The following APTX variants were observed in gnomAD, a reference collection of about 807,000 sequenced individuals.
The protein encoded by APTX is aprataxin.
In APTX, 33 loss-of-function variants were observed where a neutral mutation model predicts 42.3. The observed-to-expected ratio is 0.78, with a 90% CI of 0.59 to 1.04. The LOEUF (loss-of-function observed/expected upper bound fraction) is 1.04. APTX is among the 50% of genes least tolerant of loss of function. APTX has a pLI of 0.00. For missense variants in APTX, 421 were observed against 415.1 expected, an observed-to-expected ratio of 1.01 and a Z score of -0.12; for synonymous variants, 130 against 146.7, an observed-to-expected ratio of 0.89 and a Z score of 0.82.
At chr9:32,982,609 T>C (rs781068420) in intron 6 of APTX, among the ~76,000 whole-genome samples, 1 of 152,338 alleles carries the variant, frequency 6.6e-6, no homozygotes, top group Non-Finnish European at 1.5e-5. Context: ...CAGAGTAATA[T>C]AAAAGGGTAT....
rs150977896 is a variant in APTX at position 33,022,600 on chromosome 9, G to A, written c.-5+2423C>T. Among the ~76,000 whole-genome samples the A allele has an allele frequency of 3.3e-3, 497 of 152,272 alleles. 13 individuals are homozygous for A. The highest frequency in any genetic ancestry group is 0.029 in the Admixed American group (442 of 15,294). On this transcript the variant is annotated intron_variant, in intron 1 of 6. Transcript: ENST00000436040. ...TCTCTGCAGCAGTTTGTAAAACACT[G>A]GAAATTGCTGAAATATTCATCAGTA...
intron 1 of APTX, among the ~76,000 whole-genome samples, chr9:33,014,002 A>G (rs1293635578): frequency 6.6e-6 from 1 of 152,218 alleles, no homozygotes; most frequent in African/African-American, 2.4e-5. Context: ...CCCAACTGCA[A>G]TATCCCAACA....
chr9:32,982,268 G>A (rs1457421978), intron 6 of APTX, among the ~76,000 whole-genome samples: 2 of 152,192 alleles, frequency 1.3e-5, no homozygotes, highest in Non-Finnish European at 2.9e-5. Flanking sequence ...GGTCATGAAA[G>A]CCAGGAAAGT....
chr9:32,981,696 A>G (rs1830710315), intron 6 of APTX, among the ~76,000 whole-genome samples: 1 of 152,240 alleles, frequency 6.6e-6, no homozygotes, highest in Admixed American at 6.5e-5. Flanking sequence ...AAAGCTGAAC[A>G]ATTTGAGCAA....
At chr9:32,992,000 G>A (rs1181977997) in intron 1 of APTX, among the ~76,000 whole-genome samples, 4 of 152,116 alleles carry the variant, frequency 2.6e-5, no homozygotes, top group Admixed American at 6.6e-5. Flanking sequence ...GAGGGGAATG[G>A]ACTAAATGCA....
chr9:33,014,550 G>A (rs1038324448), intron 1 of APTX, among the ~76,000 whole-genome samples: 2 of 133,884 alleles, frequency 1.5e-5, no homozygotes, highest in African/African-American at 2.5e-5. Flanking sequence ...TTAACAAAAG[G>A]ATGCATAGCT....
At chr9:33,018,118 A>ATT (rs557047910) in intron 1 of APTX, among the ~76,000 whole-genome samples, 6 of 144,496 alleles carry the variant, frequency 4.2e-5, no homozygotes, top group Non-Finnish European at 7.6e-5. Context: ...TTTTTATTTA[A>ATT]TTTTTTTTTT....
At chr9:33,015,383 G>A (rs770738899) in intron 1 of APTX, among the ~76,000 whole-genome samples, 7 of 151,882 alleles carry the variant, frequency 4.6e-5, no homozygotes, top group Non-Finnish European at 7.4e-5. Flanking sequence ...TTTTTGAGAC[G>A]GAGCCTCACT....
upstream of APTX, among the ~76,000 whole-genome samples, chr9:33,004,736 G>A (rs1023948000): frequency 2.7e-5 from 4 of 149,988 alleles, no homozygotes; most frequent in Non-Finnish European, 5.9e-5. Context: ...GGCTTAAGGC[G>A]ATTCTCCTGC....
chr9:32,983,439 T>C (rs1322226519), intron 6 of APTX, among the ~76,000 whole-genome samples: 3 of 152,328 alleles, frequency 2.0e-5, no homozygotes, highest in Non-Finnish European at 2.9e-5. Flanking sequence ...ATCAGAATGA[T>C]AGTGAAAAGA....
chr9:32,987,914 C>G (rs1832586000), intron 3 of APTX, 68 bp from the exon 4 acceptor site: 3 of 1,574,672 alleles, frequency 1.9e-6, no homozygotes, highest in Admixed American at 3.4e-5. Context: ...ATAGCCACTG[C>G]TATGTTAACC....
intron 1 of APTX, among the ~76,000 whole-genome samples, chr9:32,994,588 A>C (rs1477427512): frequency 6.6e-6 from 1 of 152,222 alleles, no homozygotes; most frequent in Admixed American, 6.5e-5. Context: ...GTGTCAAGCA[A>C]GTCTTTCAGT....
intron 1 of APTX, among the ~76,000 whole-genome samples, chr9:33,011,190 G>T (rs1837516451): frequency 6.6e-6 from 1 of 152,056 alleles, no homozygotes; most frequent in Non-Finnish European, 1.5e-5. Flanking sequence ...TAGTGTGGGA[G>T]GCCTCTCTTG....
intron 1 of APTX, among the ~76,000 whole-genome samples, chr9:33,010,863 C>T (rs1445839377): frequency 1.3e-5 from 2 of 151,450 alleles, no homozygotes; most frequent in Admixed American, 6.6e-5. Flanking sequence ...TGAGGATGGC[C>T]GGGCGTGGTG....
At chr9:33,011,715 T>C (rs1195703973) in intron 1 of APTX, among the ~76,000 whole-genome samples, 1 of 152,230 alleles carries the variant, frequency 6.6e-6, no homozygotes, top group African/African-American at 2.4e-5. Flanking sequence ...GTGCCTTCTC[T>C]GTGTCACGCA....
chr9:32,988,198 A>G (rs940223750), intron 2 of APTX, 69 bp from the exon 3 acceptor site: 5 of 1,430,698 alleles, frequency 3.5e-6, no homozygotes, highest in Non-Finnish European at 4.9e-6. Flanking sequence ...TATCTTCCCT[A>G]AAGAAAACAA....
intron 1 of APTX, among the ~76,000 whole-genome samples, chr9:33,006,957 G>A (rs1309449578): frequency 6.1e-5 from 8 of 130,116 alleles, no homozygotes; most frequent in South Asian, 2.3e-4. Context: ...CCTAGATTGC[G>A]CCACTACACT....
At chr9:32,975,072 A>G (rs1470039924) in intron 6 of APTX, among the ~76,000 whole-genome samples, 1 of 152,106 alleles carries the variant, frequency 6.6e-6, no homozygotes, top group Non-Finnish European at 1.5e-5. Flanking sequence ...AGTGTCTCAG[A>G]AAGTGAGGAG....
Position 32,972,892 on chromosome 9 carries a change from C to T in APTX, c.*606G>A, listed in dbSNP as rs111430445. 1,051 of 454,146 alleles carry T rather than the reference C, an allele frequency of 2.3e-3. 9 individuals carry two copies. Among genetic ancestry groups the T allele is most frequent in the African/African-American group, 0.019 (965 of 50,126 alleles). The allele number at this position is 454,146 out of a possible 1,614,324, so 28.1% of individuals were successfully genotyped here. ...TAGAAGAAAACTCCAACCCCCCACACCATCATCTAGCCTCTTTTCTCACTG... is the reference window on the plus strand; with the variant it reads ...TAGAAGAAAACTCCAACCCCCCACATCATCATCTAGCCTCTTTTCTCACTG... On this transcript the variant is annotated 3_prime_UTR_variant, in exon 8 of 8. Coordinates refer to ENST00000379817, the MANE Select transcript of APTX (RefSeq NM_001195248.2).
Sources: allele counts gnomAD v4.1 joint callset (sites outside exome capture counted in the v4.1 genomes callset), GRCh38; gene constraint gnomAD v4.1.1; transcripts MANE v1.5; gene names NCBI Gene and HGNC (gene_info 2026-07-23, HGNC 2026-07-21).